Variants in KAZN observed in about 807,000 individuals in gnomAD.
KAZN encodes kazrin.
A neutral mutation model predicts 87.4 loss-of-function variants in KAZN; 40 were observed. The observed-to-expected ratio is 0.46, with a 90% CI of 0.36 to 0.60. The LOEUF (loss-of-function observed/expected upper bound fraction) is 0.60, where lower values mean the gene tolerates loss of function less well. Among genes scored for constraint, KAZN ranks in the 20% least tolerant of loss-of-function variants. The pLI is 0.00. For missense variants in KAZN, 898 were observed against 1,073.9 expected, an observed-to-expected ratio of 0.84 and a Z score of 2.29; for synonymous variants, 466 against 458.3, an observed-to-expected ratio of 1.02 and a Z score of -0.22.
intron 1 of KAZN, among the ~76,000 whole-genome samples, chr1:13,966,824 T>G (rs1641964112): frequency 6.6e-6 from 1 of 152,230 alleles, no homozygotes; most frequent in Non-Finnish European, 1.5e-5. Context: ...TTTTGATATA[T>G]TACATAAAAT....
chr1:14,959,349 A>G (rs979001872), intron 1 of KAZN, among the ~76,000 whole-genome samples: 1 of 152,220 alleles, frequency 6.6e-6, no homozygotes, highest in Non-Finnish European at 1.5e-5. Flanking sequence ...GGTGGAGGGC[A>G]CTGCAGAGAC....
chr1:14,257,977 A>G (rs1471207122), intron 2 of KAZN, among the ~76,000 whole-genome samples: 11 of 132,724 alleles, frequency 8.3e-5, no homozygotes, highest in South Asian at 4.5e-4. Context: ...AAAAAAGAGA[A>G]AAAAAAAAAA....
At chr1:14,393,230 C>T (rs1262195266) in intron 2 of KAZN, among the ~76,000 whole-genome samples, 1 of 152,094 alleles carries the variant, frequency 6.6e-6, no homozygotes, top group Non-Finnish European at 1.5e-5. Context: ...GTATTTTTGC[C>T]CAAGGAACCA....
At chr1:14,930,007 C>T in intron 1 of KAZN, 1 of 985,576 alleles carries the variant, frequency 1.0e-6, no homozygotes. Flanking sequence ...CAGTGGCACC[C>T]AGTTTGGAGG....
At chr1:14,519,135 A>T (rs1671446767) in intron 2 of KAZN, among the ~76,000 whole-genome samples, 1 of 152,210 alleles carries the variant, frequency 6.6e-6, no homozygotes, top group Non-Finnish European at 1.5e-5. Flanking sequence ...TTCTAAAATA[A>T]TTGGAAATTT....
chr1:14,739,695 C>G (rs1644026595), intron 1 of KAZN, among the ~76,000 whole-genome samples: 1 of 151,590 alleles, frequency 6.6e-6, no homozygotes, highest in East Asian at 1.9e-4. Context: ...GAAGTTCAAA[C>G]TGGAGAACTA....
At chr1:14,294,506 G>A (rs1452814892) in intron 2 of KAZN, among the ~76,000 whole-genome samples, 2 of 151,900 alleles carry the variant, frequency 1.3e-5, no homozygotes, top group African/African-American at 2.4e-5. Context: ...AACAGATGAG[G>A]CCACTGAGGA....
intron 2 of KAZN, among the ~76,000 whole-genome samples, chr1:14,314,026 C>A (rs1218292579): frequency 6.6e-6 from 1 of 152,042 alleles, no homozygotes; most frequent in Non-Finnish European, 1.5e-5. Context: ...GGAAGTTAGT[C>A]CCAGAAAAAG....
intron 1 of KAZN, among the ~76,000 whole-genome samples, chr1:14,037,429 T>C (rs1408024348): frequency 6.6e-6 from 1 of 152,224 alleles, no homozygotes. Context: ...GAGAAATCTC[T>C]GCACTGACTC....
At chr1:14,049,361 A>G (rs1642213260) in intron 1 of KAZN, among the ~76,000 whole-genome samples, 1 of 152,188 alleles carries the variant, frequency 6.6e-6, no homozygotes, top group Non-Finnish European at 1.5e-5. Context: ...GGTATACCTA[A>G]TGTTAAATGA....
At chr1:14,137,312 A>G (rs917180538) in intron 1 of KAZN, among the ~76,000 whole-genome samples, 5 of 152,182 alleles carry the variant, frequency 3.3e-5, no homozygotes. Context: ...TGTAAGAGGT[A>G]AGGTGTTCCC....
At chr1:14,535,197 T>G (rs1672416193) in intron 2 of KAZN, among the ~76,000 whole-genome samples, 1 of 152,226 alleles carries the variant, frequency 6.6e-6, no homozygotes, top group African/African-American at 2.4e-5. Flanking sequence ...TCACCAGCAT[T>G]ACAGGTTCTA....
intron 1 of KAZN, among the ~76,000 whole-genome samples, chr1:14,028,060 G>T (rs1416593058): frequency 6.6e-6 from 1 of 152,204 alleles, no homozygotes; most frequent in Non-Finnish European, 1.5e-5. Flanking sequence ...AGGCATGCCT[G>T]CTGCCAAGCT....
chr1:14,167,701 T>A (rs1404434443), intron 1 of KAZN, among the ~76,000 whole-genome samples: 1 of 151,570 alleles, frequency 6.6e-6, no homozygotes, highest in East Asian at 1.9e-4. Context: ...CCAGCCTGCG[T>A]AAAAGAGAGA....
intron 2 of KAZN, among the ~76,000 whole-genome samples, chr1:14,500,423 A>G (rs996312134): frequency 6.6e-6 from 1 of 152,168 alleles, no homozygotes; most frequent in Non-Finnish European, 1.5e-5. Flanking sequence ...AAACTTAAGT[A>G]GTACAACCTT....
intron 2 of KAZN, among the ~76,000 whole-genome samples, chr1:14,206,857 C>T (rs941770087): frequency 6.6e-6 from 1 of 152,050 alleles, no homozygotes; most frequent in Non-Finnish European, 1.5e-5. Flanking sequence ...TAACCGAGCA[C>T]TCAGGTTGCT....
chr1:13,947,600 A>G (rs1298817026), intron 1 of KAZN, among the ~76,000 whole-genome samples: 1 of 152,168 alleles, frequency 6.6e-6, no homozygotes, highest in Non-Finnish European at 1.5e-5. Flanking sequence ...GATTGCCCTT[A>G]GGGCTGTATT....
At chr1:14,019,112 C>G (rs553814647) in intron 1 of KAZN, among the ~76,000 whole-genome samples, 1 of 152,294 alleles carries the variant, frequency 6.6e-6, no homozygotes, top group South Asian at 2.1e-4. Context: ...CAACAAAAGA[C>G]CAAGAGAAAC....
intron 1 of KAZN, among the ~76,000 whole-genome samples, chr1:14,810,047 C>T (rs1646358968): frequency 6.6e-6 from 1 of 152,120 alleles, no homozygotes; most frequent in South Asian, 2.1e-4. Context: ...GATTCCTGGC[C>T]TGTACCCTAC....
Sources: gnomAD v4.1 joint callset for allele counts (sites outside exome capture counted in the v4.1 genomes callset) on GRCh38, gnomAD v4.1.1 for gene constraint, MANE v1.5 for transcripts, NCBI Gene and HGNC (gene_info 2026-07-23, HGNC 2026-07-21) for gene names.